The following DMD variants were observed in gnomAD, a reference collection of about 807,000 sequenced individuals.
DMD encodes the protein mutant dystrophin.
Under a neutral mutation model 330.1 loss-of-function variants are expected in DMD, and 63 were observed. That is an observed-to-expected ratio of 0.19 (90% CI 0.16 to 0.24). The LOEUF is 0.24. Among genes scored for constraint, DMD ranks in the 10% least tolerant of loss-of-function variants. DMD has a pLI of 1.00. For synonymous variants in DMD, 1,223 were observed against 959.8 expected, an observed-to-expected ratio of 1.27 and a Z score of -5.07; for missense variants, 3,344 against 2,684.1, an observed-to-expected ratio of 1.25 and a Z score of -5.43.
At chrX:31,408,960 G>A (rs1363518799) in intron 60 of DMD, among the ~76,000 whole-genome samples, 2 of 109,541 alleles carry the variant, frequency 1.8e-5, no homozygotes, top group African/African-American at 3.3e-5. Context: ...AACATTCCCC[G>A]GTGTGTGATG....
At chrX:32,450,185 G>T (rs55743506) in intron 26 of DMD, among the ~76,000 whole-genome samples, 1 of 110,389 alleles carries the variant, frequency 9.1e-6, no homozygotes, top group Admixed American at 9.6e-5. Context: ...GTAGAAGTTG[G>T]GCCTGCATAC....
At chrX:31,480,611 T>C (rs1260616862) in intron 57 of DMD, among the ~76,000 whole-genome samples, 1 of 107,737 alleles carries the variant, frequency 9.3e-6, no homozygotes, top group Non-Finnish European at 1.9e-5. Context: ...GTTGTTGTAT[T>C]CTTGTGTTTT....
intron 44 of DMD, among the ~76,000 whole-genome samples, chrX:32,109,297 A>G (rs1435703312): frequency 5.4e-5 from 6 of 110,411 alleles, no homozygotes; most frequent in Non-Finnish European, 1.1e-4. Context: ...TGTGATATGT[A>G]TTTCTCTTTA....
At chrX:31,952,535 G>T (rs1182721031) in intron 45 of DMD, among the ~76,000 whole-genome samples, 1 of 108,426 alleles carries the variant, frequency 9.2e-6, no homozygotes, top group Non-Finnish European at 1.9e-5. Context: ...TCCAATTCTA[G>T]AATTTTCATT....
intron 44 of DMD, among the ~76,000 whole-genome samples, chrX:32,095,558 A>G (rs1940925013): frequency 8.9e-6 from 1 of 112,096 alleles, no homozygotes; most frequent in Non-Finnish European, 1.9e-5. Flanking sequence ...ATTATGGATA[A>G]AAGTTGAACA....
At chrX:31,796,446 A>G (rs1603469393) in intron 50 of DMD, among the ~76,000 whole-genome samples, 2 of 112,458 alleles carry the variant, frequency 1.8e-5, no homozygotes, top group East Asian at 5.6e-4. Flanking sequence ...TAGTAAGAGG[A>G]ATAGATTTTC....
intron 56 of DMD, among the ~76,000 whole-genome samples, chrX:31,503,124 A>T (rs1465233147): frequency 8.9e-6 from 1 of 112,252 alleles, no homozygotes; most frequent in Non-Finnish European, 1.9e-5. Context: ...ATGAGATAGG[A>T]TTATACAATT....
chrX:32,200,756 TCAA>T (rs1215300845), intron 44 of DMD, among the ~76,000 whole-genome samples: 1 of 111,709 alleles, frequency 9.0e-6, no homozygotes, highest in African/African-American at 3.3e-5. Context: ...TTCTAAGTAT[TCAA>T]ACCCTGGCAT....
intron 60 of DMD, among the ~76,000 whole-genome samples, chrX:31,437,318 C>T (rs1172520214): frequency 7.2e-5 from 8 of 111,519 alleles, no homozygotes; most frequent in Non-Finnish European, 7.5e-5. Flanking sequence ...TATTTTTGCA[C>T]CTCTCTGTAA....
chrX:31,903,933 T>C (rs1389492590), intron 47 of DMD, among the ~76,000 whole-genome samples: 4 of 111,649 alleles, frequency 3.6e-5, no homozygotes, highest in Non-Finnish European at 7.5e-5. Flanking sequence ...GAAAAAATAA[T>C]AGGAATTTTA....
At chrX:32,977,345 G>T (rs2092582494) in intron 2 of DMD, among the ~76,000 whole-genome samples, 1 of 110,965 alleles carries the variant, frequency 9.0e-6, no homozygotes, top group Non-Finnish European at 1.9e-5. Context: ...TAGAAAATAA[G>T]ATAATACACC....
chrX:33,232,454 T>TG (rs1284096855), intron 1 of DMD, among the ~76,000 whole-genome samples: 4 of 111,622 alleles, frequency 3.6e-5, no homozygotes, highest in African/African-American at 1.3e-4. Context: ...ATATTCTGTG[T>TG]GGGAAAAAAC....
chrX:32,638,903 A>T (rs997853125), intron 11 of DMD, among the ~76,000 whole-genome samples: 2 of 111,522 alleles, frequency 1.8e-5, no homozygotes, highest in African/African-American at 6.5e-5. Context: ...GGGGAAAAAA[A>T]AAGAGATGAG....
chrX:31,441,914 C>A (rs953321008), intron 60 of DMD, among the ~76,000 whole-genome samples: 1 of 111,824 alleles, frequency 8.9e-6, no homozygotes, highest in Non-Finnish European at 1.9e-5. Context: ...TATATGCAAA[C>A]CAAAACCTTG....
chrX:32,566,006 A>G, intron 15 of DMD, 125 bp from the exon 16 acceptor site: 1 of 580,396 alleles, frequency 1.7e-6, no homozygotes, highest in South Asian at 2.8e-5. Flanking sequence ...TCGTGCCCGC[A>G]AAGGATCAAA....
intron 42 of DMD, among the ~76,000 whole-genome samples, chrX:32,296,460 C>T (rs1390060705): frequency 9.0e-6 from 1 of 111,275 alleles, no homozygotes; most frequent in Non-Finnish European, 1.9e-5. Flanking sequence ...TCAATTCAGC[C>T]ATTTCTTCAT....
chrX:31,948,880 A>G (rs1213494080), intron 45 of DMD, among the ~76,000 whole-genome samples: 1 of 110,853 alleles, frequency 9.0e-6, no homozygotes, highest in African/African-American at 3.3e-5. Flanking sequence ...TTGCTGGACT[A>G]TCGAGTCTCT....
Position 32,287,592 on chromosome X carries a change from T to C in DMD, c.6227A>G (p.Glu2076Gly). 8.3e-7 allele frequency: 1 copy of C among 1,210,818 alleles called. No homozygotes were observed. Residue 2076 changes from glutamate (E) to glycine (G), a missense_variant, in exon 43 of 79, where the codon GAA (glutamate) becomes GGA (glycine). Coordinates refer to ENST00000357033, the MANE Select transcript of DMD (RefSeq NM_004006.3). ...TTGGAAATCAAGCTGGGAGAGAGCTTCCTGTAGCTTCACCCTTTCCACAGG... is the reference window on the plus strand; with the variant it reads ...TTGGAAATCAAGCTGGGAGAGAGCTCCCTGTAGCTTCACCCTTTCCACAGG... ...ATPVERVKLQEALSQLDFQWE... is the reference protein window; with the variant it reads ...ATPVERVKLQGALSQLDFQWE...
chrX:32,933,737 T>C (rs2089777194), intron 2 of DMD, among the ~76,000 whole-genome samples: 2 of 111,710 alleles, frequency 1.8e-5, no homozygotes, highest in Admixed American at 9.5e-5. Context: ...GACGAGAGTG[T>C]TATCTCGACA....
Sources: gnomAD v4.1 joint callset for allele counts (sites outside exome capture counted in the v4.1 genomes callset) on GRCh38, gnomAD v4.1.1 for gene constraint, MANE v1.5 for transcripts, NCBI Gene and HGNC (gene_info 2026-07-23, HGNC 2026-07-21) for gene names.